Variants in RAB34 observed in about 807,000 individuals in gnomAD.
RAB34 encodes ras-related protein Rab-34.
RAB34 carries 33 observed loss-of-function variants against 39.0 expected under a neutral mutation model. The observed-to-expected ratio is 0.85, with a 90% CI of 0.64 to 1.13. The LOEUF (loss-of-function observed/expected upper bound fraction) is 1.13. Ranked by LOEUF, RAB34 falls within the 50% of genes most tolerant of loss-of-function variation. RAB34 has a pLI of 0.00. For missense variants in RAB34, 289 were observed against 326.1 expected (o/e 0.89, Z 0.88); for synonymous variants, 135 against 125.1 (o/e 1.08, Z -0.53).
upstream of RAB34, chr17:28,718,376 G>T: frequency 1.1e-6 from 1 of 876,066 alleles, no homozygotes; most frequent in Non-Finnish European, 1.7e-6. Flanking sequence ...CCACCGAGGA[G>T]AGAGACGTCT....
At position 28,717,591 on chromosome 17, in the gene RAB34, A is replaced by T; in HGVS notation, c.-325T>A. On this transcript the variant is annotated 5_prime_UTR_variant, in exon 1 of 10. Transcript: ENST00000395245. ...TCTGGTGGGGGCCGGGCCCGCGCAG[A>T]CCCTACGATTACGCGGGGCCGGATA... 1.4e-6 allele frequency: 2 copies of T among 1,402,558 alleles called. No individual in the cohort carries two copies. Among genetic ancestry groups the T allele is most frequent in the Non-Finnish European group, 1.8e-6 (2 of 1,082,510 alleles). 86.9% of individuals were successfully genotyped at this position (1,402,558 alleles called of 1,614,324 possible). A position where few individuals can be genotyped will look rare whatever the true frequency, so the allele number is the denominator to read the frequency against.
In RAB34 at chr17:28,717,359, G is replaced by T. The variant is rs777749917; in HGVS notation, c.-93C>A. 13 of 1,532,412 alleles carry T rather than the reference G, an allele frequency of 8.5e-6. No individual in the cohort carries two copies. Among genetic ancestry groups the T allele is most frequent in the Non-Finnish European group, 1.1e-5 (13 of 1,143,662 alleles). 94.9% of individuals were successfully genotyped at this position (1,532,412 alleles called of 1,614,324 possible). A position where few individuals can be genotyped will look rare whatever the true frequency, so the allele number is the denominator to read the frequency against. On this transcript the variant is annotated 5_prime_UTR_variant, in exon 1 of 10. Transcript: ENST00000395245. ...GCGTGGAGACCCGACGATCACCCGC[G>T]GCCGGGGTGTCCCGACTACAACTCG...
At position 28,714,506 on chromosome 17, in the gene RAB34, T is replaced by C; in HGVS notation, c.*137A>G. On this transcript the variant is annotated 3_prime_UTR_variant, in exon 10 of 10. Coordinates refer to ENST00000395245, the MANE Select transcript of RAB34 (RefSeq NM_031934.6). ...ACTAGCATGATCCCAGCTACCCCTC[T>C]GTGGGAATACTGCCACCAAGAGGCA... is the stretch of plus-strand genomic sequence containing the variant. 1 of 1,588,694 alleles carries C rather than the reference T, an allele frequency of 6.3e-7. No individual in the cohort carries two copies.
chr17:28,717,815 C>G lies in RAB34; in HGVS notation c.-549G>C, dbSNP rs2033797441. The G allele has an allele frequency of 2.3e-6, 3 of 1,332,114 alleles. No individual in the cohort carries two copies. Among genetic ancestry groups the G allele is most frequent in the Non-Finnish European group, 2.9e-6 (3 of 1,047,952 alleles). The allele number at this position is 1,332,114 out of a possible 1,614,324, so 82.5% of individuals were successfully genotyped here. A position where few individuals can be genotyped will look rare whatever the true frequency, so the allele number is the denominator to read the frequency against. ...CCGCTGGAGGAGGGGGCGAGGGGCC[C>G]AGTCCGGCTACAGGGCCTCGAGTCC... On this transcript the variant is annotated 5_prime_UTR_variant, in exon 1 of 10. Coordinates refer to ENST00000395245, the MANE Select transcript of RAB34 (RefSeq NM_031934.6).
chr17:28,715,919 G>A lies in RAB34; in HGVS notation c.213-18C>T, dbSNP rs201698402. On this transcript the variant is annotated intron_variant, in intron 3 of 9. Transcript: ENST00000395245. ...TGCAGAACCTGAGAGGGTACCAGAT[G>A]CTGTGATCTGGAGCCAGCCCACCTG... is the stretch of plus-strand genomic sequence containing the variant. 33 of 1,610,114 alleles carry A rather than the reference G, an allele frequency of 2.0e-5. No homozygotes were observed. The Admixed American group carries it at 5.5e-4, about 27-fold the overall frequency.
Position 28,715,508 on chromosome 17 carries a change from C to G in RAB34, c.380-1G>C. ...TTCAGGTTGAAGACAATGATGATGGCTGGAAGAGTGGCAGAAACAGCCCCA... is the reference window on the plus strand; with the variant it reads ...TTCAGGTTGAAGACAATGATGATGGGTGGAAGAGTGGCAGAAACAGCCCCA... On this transcript the variant is annotated splice_acceptor_variant, in intron 5 of 9. Coordinates refer to ENST00000395245, the MANE Select transcript of RAB34 (RefSeq NM_031934.6). LOFTEE classifies it high-confidence loss of function. 1 of 1,614,086 alleles carries G rather than the reference C, an allele frequency of 6.2e-7. No homozygotes were observed. The highest frequency in any genetic ancestry group is 2.2e-5 in the East Asian group (1 of 44,884).
chr17:28,717,553 G>T lies in RAB34; in HGVS notation c.-287C>A. ...GAGACTCTTCGGCCGCCAATTGGGG[G>T]CGGGGAGTCCCGTCTGGTGGGGGCC... is the stretch of plus-strand genomic sequence containing the variant. On this transcript the variant is annotated 5_prime_UTR_variant, in exon 1 of 10. Coordinates refer to ENST00000395245, the MANE Select transcript of RAB34 (RefSeq NM_031934.6). 7.0e-7 allele frequency: 1 copy of T among 1,420,240 alleles called. No homozygotes were observed. Among genetic ancestry groups the T allele is most frequent in the Non-Finnish European group, 9.2e-7 (1 of 1,090,598 alleles). The allele number at this position is 1,420,240 out of a possible 1,614,324, so 88.0% of individuals were successfully genotyped here. A position where few individuals can be genotyped will look rare whatever the true frequency, so the allele number is the denominator to read the frequency against.
At position 28,717,785 on chromosome 17, in the gene RAB34, G is replaced by T. The variant is rs1395538828; in HGVS notation, c.-519C>A. On this transcript the variant is annotated 5_prime_UTR_variant, in exon 1 of 10. Transcript: ENST00000395245. ...GGCAGGGGCGGCGCTGCCAAGGCCC[G>T]CAGGCCGCTGGAGGAGGGGGCGAGG... is the stretch of plus-strand genomic sequence containing the variant. 1 of 1,321,534 alleles carries T rather than the reference G, an allele frequency of 7.6e-7. No homozygotes were observed. The highest frequency in any genetic ancestry group is 1.5e-5 in the African/African-American group (1 of 64,774). The allele number at this position is 1,321,534 out of a possible 1,614,324, so 81.9% of individuals were successfully genotyped here.
At chr17:28,716,132 T>G (rs2033392487) in intron 2 of RAB34, 74 bp from the exon 3 acceptor site, 1 of 1,604,342 alleles carries the variant, frequency 6.2e-7, no homozygotes, top group Admixed American at 1.7e-5. Context: ...TGCTCCCGAC[T>G]AGGTCCAGAA....
At position 28,717,609 on chromosome 17, in the gene RAB34, GC is replaced by G. The variant is rs1427817588; in HGVS notation, c.-344del. The G allele has an allele frequency of 9.3e-6, 13 of 1,400,554 alleles. No individual in the cohort carries two copies. Among genetic ancestry groups the G allele is most frequent in the Non-Finnish European group, 1.1e-5 (12 of 1,082,102 alleles). 86.8% of individuals were successfully genotyped at this position (1,400,554 alleles called of 1,614,324 possible). ...CGCGCAGACCCTACGATTACGCGGG[GC>G]CGGATAGTTCCTACGATTACGCGGG... is the stretch of plus-strand genomic sequence containing the variant. On this transcript the variant is annotated 5_prime_UTR_variant, in exon 1 of 10. The change creates a premature stop within an existing upstream ORF in the 5' untranslated region. Coordinates refer to ENST00000395245, the MANE Select transcript of RAB34 (RefSeq NM_031934.6).
intron 6 of RAB34, 49 bp downstream of exon 6, chr17:28,715,407 A>C (rs751860498): frequency 6.2e-7 from 1 of 1,610,778 alleles, no homozygotes. Flanking sequence ...CTCTGTTCTG[A>C]ACCCTCTCTT....
upstream of RAB34, chr17:28,718,373 G>C: frequency 1.1e-6 from 1 of 886,244 alleles, no homozygotes; most frequent in South Asian, 1.6e-5. Context: ...TGCCCACCGA[G>C]GAGAGAGACG....
chr17:28,717,568 T>A lies in RAB34; in HGVS notation c.-302A>T. The A allele has an allele frequency of 7.1e-7, 1 of 1,417,948 alleles. No homozygotes were observed. Among genetic ancestry groups the A allele is most frequent in the South Asian group, 1.5e-5 (1 of 66,874 alleles). 87.8% of individuals were successfully genotyped at this position (1,417,948 alleles called of 1,614,324 possible). On this transcript the variant is annotated 5_prime_UTR_variant, in exon 1 of 10. Coordinates refer to ENST00000395245, the MANE Select transcript of RAB34 (RefSeq NM_031934.6). Reference sequence around the variant, plus strand: ...CCAATTGGGGGCGGGGAGTCCCGTCTGGTGGGGGCCGGGCCCGCGCAGACC... The same window carrying A: ...CCAATTGGGGGCGGGGAGTCCCGTCAGGTGGGGGCCGGGCCCGCGCAGACC...
At position 28,717,008 on chromosome 17, in the gene RAB34, A is replaced by T. The variant is rs1447068243; in HGVS notation, c.55-14T>A. 1 of 1,612,356 alleles carries T rather than the reference A, an allele frequency of 6.2e-7. No homozygotes were observed. The highest frequency in any genetic ancestry group is 1.7e-5 in the Admixed American group (1 of 59,946). The stretch of plus-strand genomic sequence containing the variant: ...CTTCCTCAGGCACTTAGTGGGAAGG[A>T]TGGAAGAGAATGGAGCTTCCTACTC... On this transcript the variant is annotated splice_polypyrimidine_tract_variant and intron_variant, in intron 1 of 9. Coordinates refer to ENST00000395245, the MANE Select transcript of RAB34 (RefSeq NM_031934.6).
intron 8 of RAB34, 36 bp downstream of exon 8, chr17:28,714,996 G>T (rs1331876353): frequency 1.9e-6 from 3 of 1,604,598 alleles, no homozygotes; most frequent in Admixed American, 3.3e-5. Context: ...AGCCAGGCAA[G>T]AGTGTCACAG....
chr17:28,715,345 C>A, intron 6 of RAB34, 69 bp from the exon 7 acceptor site: 1 of 1,581,170 alleles, frequency 6.3e-7, no homozygotes, highest in South Asian at 1.1e-5. Context: ...ATTCATAGGC[C>A]CAATTACCCC....
In RAB34 at chr17:28,715,329, A is replaced by G. The variant is rs978935945; in HGVS notation, c.432-53T>C. 7 of 1,589,070 alleles carry G rather than the reference A, an allele frequency of 4.4e-6. No homozygotes were observed. The African/African-American group carries it at 9.4e-5, about 21-fold the overall frequency. ...TGAGTGAGTCTGCAGGGCCCCTCCC[A>G]CTGACATTCATAGGCCCAATTACCC... On this transcript the variant is annotated intron_variant, in intron 6 of 9. Coordinates refer to ENST00000395245, the MANE Select transcript of RAB34 (RefSeq NM_031934.6).
upstream of RAB34, chr17:28,718,044 GCCTATC>G: frequency 2.1e-6 from 3 of 1,421,406 alleles, no homozygotes; most frequent in Non-Finnish European, 1.9e-6. Context: ...CCAGGCTGGA[GCCTATC>G]CAGATAGGGA....
chr17:28,715,428 C>T (rs754707378), intron 6 of RAB34, 28 bp downstream of exon 6: 5 of 1,613,398 alleles, frequency 3.1e-6, no homozygotes, highest in Admixed American at 3.3e-5. Context: ...CCCGGAGCCT[C>T]CCATTATATT....
Sources: gnomAD v4.1 joint callset for allele counts on GRCh38, gnomAD v4.1.1 for gene constraint, MANE v1.5 for transcripts, NCBI Gene and HGNC (gene_info 2026-07-23, HGNC 2026-07-21) for gene names.